The following BMPR1B variants were observed in gnomAD, a reference collection of about 807,000 sequenced individuals.
BMPR1B encodes the protein bone morphogenetic protein receptor type 1B, also known as bone morphogenetic protein receptor type-1B.
Under a neutral mutation model 59.1 loss-of-function variants are expected in BMPR1B, and 12 were observed. The ratio of observed to expected loss-of-function variants is 0.20; its 90% CI spans 0.13 to 0.33. The LOEUF (loss-of-function observed/expected upper bound fraction) is 0.33, where lower values mean the gene tolerates loss of function less well. Among genes scored for constraint, BMPR1B ranks in the 10% least tolerant of loss-of-function variants. The probability of loss-of-function intolerance (pLI) is 1.00; values close to 1 mark genes in which losing one functional copy is unlikely to be tolerated. For synonymous variants in BMPR1B, 237 were observed against 207.3 expected, an observed-to-expected ratio of 1.14 and a Z score of -1.23; for missense variants, 550 against 610.9, an observed-to-expected ratio of 0.90 and a Z score of 1.05.
chr4:94,902,087 G>GTGTGTGTGTGTGT (rs1491111955), intron 2 of BMPR1B, among the ~76,000 whole-genome samples: 3 of 128,582 alleles, frequency 2.3e-5, no homozygotes, highest in African/African-American at 9.6e-5. Context: ...GTGTGTGTGT[G>GTGTGTGTGTGTGT]GGGTGTATTT....
chr4:94,994,922 C>A (rs1721967264), intron 2 of BMPR1B, among the ~76,000 whole-genome samples: 1 of 152,086 alleles, frequency 6.6e-6, no homozygotes, highest in African/African-American at 2.4e-5. Context: ...TGCCATGTGA[C>A]CCTGGGCAAA....
At chr4:94,811,694 T>C (rs1723819596) in intron 1 of BMPR1B, among the ~76,000 whole-genome samples, 1 of 152,152 alleles carries the variant, frequency 6.6e-6, no homozygotes, top group Non-Finnish European at 1.5e-5. Context: ...TTCGATACCT[T>C]GGTCATGACA....
intron 3 of BMPR1B, among the ~76,000 whole-genome samples, chr4:95,055,664 C>T (rs1271756812): frequency 6.6e-6 from 1 of 152,172 alleles, no homozygotes; most frequent in African/African-American, 2.4e-5. Flanking sequence ...CTATAGTTTT[C>T]AACTTAAGTT....
intron 1 of BMPR1B, among the ~76,000 whole-genome samples, chr4:94,837,080 G>T (rs569899655): frequency 0.052 from 6,861 of 131,150 alleles, 99 homozygotes; most frequent in Non-Finnish European, 0.063. Context: ...GATATGCGGC[G>T]TTATTTCTGA....
chr4:95,039,891 T>C (rs1725531489), intron 3 of BMPR1B, among the ~76,000 whole-genome samples: 1 of 152,208 alleles, frequency 6.6e-6, no homozygotes, highest in African/African-American at 2.4e-5. Flanking sequence ...ATGTCATGAC[T>C]CTGAACCAAA....
chr4:95,154,050 A>G (rs1735240909), intron 12 of BMPR1B, among the ~76,000 whole-genome samples: 1 of 152,208 alleles, frequency 6.6e-6, no homozygotes, highest in African/African-American at 2.4e-5. Context: ...GTACTTTTCA[A>G]TAGGAAGACC....
At chr4:94,950,156 G>GT (rs1263318540) in intron 2 of BMPR1B, among the ~76,000 whole-genome samples, 1 of 151,964 alleles carries the variant, frequency 6.6e-6, no homozygotes, top group East Asian at 1.9e-4. Flanking sequence ...TTGTAAATTT[G>GT]TTTAAGTTCC....
chr4:95,106,967 A>G (rs937488832), intron 4 of BMPR1B, among the ~76,000 whole-genome samples: 7 of 151,206 alleles, frequency 4.6e-5, no homozygotes, highest in African/African-American at 7.3e-5. Flanking sequence ...CCCAAGGCAT[A>G]TTGTTTCTCA....
chr4:94,990,228 C>T (rs991528917), intron 2 of BMPR1B, among the ~76,000 whole-genome samples: 12 of 152,002 alleles, frequency 7.9e-5, no homozygotes, highest in African/African-American at 2.9e-4. Context: ...TAGTGGCAGG[C>T]GCCTGTATCC....
At chr4:95,093,551 C>CA (rs1325741924) in intron 3 of BMPR1B, among the ~76,000 whole-genome samples, 1 of 151,424 alleles carries the variant, frequency 6.6e-6, no homozygotes, top group Non-Finnish European at 1.5e-5. Context: ...TTTTTTATGT[C>CA]ATAGTCTGGT....
At chr4:95,023,631 C>G (rs760696798) in intron 3 of BMPR1B, among the ~76,000 whole-genome samples, 12 of 152,128 alleles carry the variant, frequency 7.9e-5, no homozygotes, top group Admixed American at 7.2e-4. Flanking sequence ...AAGCAATCCT[C>G]CTGATTTAGC....
chr4:94,961,830 G>T lies in BMPR1B; in HGVS notation c.-112-34210G>T, dbSNP rs143218813. 3.3e-5 allele frequency among the ~76,000 whole-genome samples: 5 copies of T among 152,178 alleles called. No individual in the cohort carries two copies. In the East Asian group the frequency reaches 9.7e-4, roughly 29 times the overall value. On this transcript the variant is annotated intron_variant, in intron 2 of 12. Transcript: ENST00000515059. The stretch of plus-strand genomic sequence containing the variant: ...TTTTAATTTTTATGAATGCATAATA[G>T]TTGTAAATATTTATGGGAGTACATG...
rs778890672 is a variant in BMPR1B, at chr4:95,152,758, G to A, written c.1368G>A (p.Arg456=). The change falls in exon 12 of 13, where the codon CGG becomes CGA. Residue 456 remains arginine, a synonymous_variant. Coordinates refer to ENST00000515059, the MANE Select transcript of BMPR1B (RefSeq NM_001203.3). ...AGTTACGCCCCTCATTCCCAAACCG[G>A]TGGAGCAGTGATGAGGTAAGGCTTG... ...IKKLRPSFPN[R]WSSDECLRQM... is the part of the protein sequence containing the mutation. The A allele has an allele frequency of 4.3e-6, 7 of 1,611,976 alleles. No individual in the cohort carries two copies. The highest frequency in any genetic ancestry group is 2.7e-5 in the African/African-American group (2 of 74,894).
At chr4:94,776,458 T>C (rs556596737) in intron 1 of BMPR1B, among the ~76,000 whole-genome samples, 1 of 152,360 alleles carries the variant, frequency 6.6e-6, no homozygotes, top group African/African-American at 2.4e-5. Flanking sequence ...TAATTTTGGT[T>C]CTCATTTTGC....
chr4:95,011,956 T>A (rs1396805666), intron 3 of BMPR1B, among the ~76,000 whole-genome samples: 1 of 151,770 alleles, frequency 6.6e-6, no homozygotes, highest in African/African-American at 2.4e-5. Flanking sequence ...GAGGCTGAGG[T>A]TGCAGTGAGC....
intron 3 of BMPR1B, among the ~76,000 whole-genome samples, chr4:95,001,437 C>A (rs368445082): frequency 4.6e-5 from 7 of 151,958 alleles, no homozygotes; most frequent in African/African-American, 1.7e-4. Flanking sequence ...TGACAGATAC[C>A]CTTTCTGGCT....
chr4:94,803,758 G>T (rs1384554067), intron 1 of BMPR1B, among the ~76,000 whole-genome samples: 1 of 151,970 alleles, frequency 6.6e-6, no homozygotes, highest in African/African-American at 2.4e-5. Flanking sequence ...CTTCTTTCTT[G>T]GTCTTTGCAT....
intron 1 of BMPR1B, among the ~76,000 whole-genome samples, chr4:94,818,192 T>C (rs1014569514): frequency 6.6e-6 from 1 of 152,196 alleles, no homozygotes; most frequent in African/African-American, 2.4e-5. Context: ...TGTGGTAAAT[T>C]GTGCTTTTAG....
chr4:94,962,104 CTTCCTTCCTTCCTTCCTTCT>C (rs1345044747), intron 2 of BMPR1B, among the ~76,000 whole-genome samples: 2,828 of 134,504 alleles, frequency 0.021, 124 homozygotes, highest in African/African-American at 0.079. Context: ...TCCTTCCTTC[CTTCCTTCCTTCCTTCCTTCT>C]TTCCTTCCTT....
Sources: gnomAD v4.1 joint callset for allele counts (sites outside exome capture counted in the v4.1 genomes callset) on GRCh38, gnomAD v4.1.1 for gene constraint, MANE v1.5 for transcripts, NCBI Gene and HGNC (gene_info 2026-07-23, HGNC 2026-07-21) for gene names.